PLEKHG5: variants seen among roughly 807,000 people sequenced by gnomAD.
The protein encoded by PLEKHG5 is pleckstrin homology domain-containing family G member 5.
PLEKHG5 carries 52 observed loss-of-function variants against 103.8 expected under a neutral mutation model. That is an observed-to-expected ratio of 0.50 (90% CI 0.40 to 0.63). PLEKHG5 has a LOEUF of 0.63. Ranked by LOEUF, PLEKHG5 falls within the 30% of genes least tolerant of loss-of-function variation. PLEKHG5 has a pLI of 0.00. For synonymous variants in PLEKHG5, 592 were observed against 575.5 expected (o/e 1.03, Z -0.41); for missense variants, 1,205 against 1,347.6 (o/e 0.89, Z 1.66).
upstream of PLEKHG5, among the ~76,000 whole-genome samples, chr1:6,495,850 A>T (rs1448992374): frequency 6.6e-6 from 1 of 152,256 alleles, no homozygotes; most frequent in Non-Finnish European, 1.5e-5. Flanking sequence ...GAGCTGCCGC[A>T]ATCAGTGCAT....
chr1:6,499,719 G>A (rs962149037), upstream of PLEKHG5, among the ~76,000 whole-genome samples: 2 of 152,162 alleles, frequency 1.3e-5, no homozygotes, highest in African/African-American at 4.8e-5. Flanking sequence ...TTCGAGGAAA[G>A]GGTGGGCCTG....
intron 1 of PLEKHG5, among the ~76,000 whole-genome samples, chr1:6,506,696 C>T (rs899771456): frequency 3.3e-5 from 5 of 152,230 alleles, no homozygotes; most frequent in Non-Finnish European, 7.3e-5. Flanking sequence ...CTGCCTGGAC[C>T]CTCCCCAGGA....
rs2148584800 is a variant in PLEKHG5 at position 6,471,521 on chromosome 1, T to C, written c.1248A>G (p.Leu416=). The C allele has an allele frequency of 6.2e-7, 1 of 1,610,508 alleles. No homozygotes were observed. Among genetic ancestry groups the C allele is most frequent in the South Asian group, 1.1e-5 (1 of 90,812 alleles). ...AGCCTTTGAGGAAGTCCCCGGGCTG[T>C]AGCAGCGCTCGCGTGCGCCGCGCCT... ...LEKARRTRAL[L]QPGDFLKGFK... is the part of the protein sequence containing the mutation. Residue 416 remains leucine (L), a synonymous_variant, in exon 12 of 21, where the codon CTA becomes CTG. Transcript: ENST00000377728.
chr1:6,480,860 C>T (rs983514768), intron 1 of PLEKHG5, among the ~76,000 whole-genome samples: 9 of 151,946 alleles, frequency 5.9e-5, no homozygotes, highest in African/African-American at 7.3e-5. Flanking sequence ...AGCCTGGTCT[C>T]GAACTCCTGG....
chr1:6,467,604 T>C (rs1390679368), intron 20 of PLEKHG5, 32 bp from the exon 21 acceptor site: 1 of 1,611,360 alleles, frequency 6.2e-7, no homozygotes. Context: ...GAGTCCTTCT[T>C]TGGCTGACGC....
At chr1:6,474,967 C>T (rs925225296) in intron 5 of PLEKHG5, 80 bp downstream of exon 5, 23 of 896,100 alleles carry the variant, frequency 2.6e-5, no homozygotes, top group African/African-American at 2.0e-4. Flanking sequence ...CACGTCACAC[C>T]TGCAGAGACC....
Position 6,474,140 on chromosome 1 carries a change from C to T in PLEKHG5, c.464G>A (p.Gly155Asp), listed in dbSNP as rs756383196. 6.2e-7 allele frequency: 1 copy of T among 1,613,570 alleles called. No homozygotes were observed. Among genetic ancestry groups the T allele is most frequent in the East Asian group, 2.2e-5 (1 of 44,886 alleles). The stretch of plus-strand genomic sequence containing the variant: ...GTCCTTCATGCCCTGCTCCACCTTG[C>T]CCTCATCTCCAGGCTTGGCTGGGGC... Reference protein sequence around the residue: ...VKAPAKPGDEGKVEQGMKDSK... With the variant: ...VKAPAKPGDEDKVEQGMKDSK... The change falls in exon 7 of 21, where the codon GGC becomes GAC. Residue 155 changes from glycine (G) to aspartate (D), a missense_variant. By Grantham distance (94) the Gly-to-Asp change is moderately conservative (BLOSUM62 -1). Transcript: ENST00000377728.
chr1:6,515,187 G>A (rs1638580235), intron 1 of PLEKHG5, among the ~76,000 whole-genome samples: 1 of 152,196 alleles, frequency 6.6e-6, no homozygotes, highest in Non-Finnish European at 1.5e-5. Context: ...TTCCAACAGT[G>A]ACGGAGTCAA....
intron 1 of PLEKHG5, among the ~76,000 whole-genome samples, chr1:6,489,539 G>C (rs551628267): frequency 1.3e-5 from 2 of 152,332 alleles, no homozygotes; most frequent in South Asian, 4.1e-4. Flanking sequence ...AAGAGGGAGG[G>C]GCTGCAGTCT....
At chr1:6,499,696 C>A (rs1348530998), upstream of PLEKHG5, among the ~76,000 whole-genome samples, 2 of 152,110 alleles carry the variant, frequency 1.3e-5, no homozygotes, top group African/African-American at 4.8e-5. Flanking sequence ...GTGACCTATC[C>A]CCATCTACAG....
chr1:6,511,677 G>A (rs1299578655), intron 1 of PLEKHG5, among the ~76,000 whole-genome samples: 1 of 152,236 alleles, frequency 6.6e-6, no homozygotes, highest in Non-Finnish European at 1.5e-5. Context: ...GCCACGACAG[G>A]GCTCACAGAG....
chr1:6,496,497 G>A (rs2148627336), upstream of PLEKHG5: 1 of 1,603,810 alleles, frequency 6.2e-7, no homozygotes, highest in East Asian at 2.3e-5. Context: ...CCCTACCTTG[G>A]CCGCCCGCCC....
chr1:6,518,573 A>G (rs1638692045), intron 1 of PLEKHG5, among the ~76,000 whole-genome samples: 1 of 151,728 alleles, frequency 6.6e-6, no homozygotes, highest in East Asian at 1.9e-4. Context: ...AAAAAAAAAA[A>G]AAGAAAAAGA....
intron 1 of PLEKHG5, among the ~76,000 whole-genome samples, chr1:6,517,142 C>T (rs930602684): frequency 1.7e-4 from 25 of 147,976 alleles, no homozygotes; most frequent in Non-Finnish European, 1.9e-4. Flanking sequence ...CCCATCTCTA[C>T]TAAAAATACA....
Position 6,470,597 on chromosome 1 carries a change from C to T in PLEKHG5, c.1589G>A (p.Arg530Gln). ...RFIHHVNACMRQRQERQRLAA... is the reference protein window; with the variant it reads ...RFIHHVNACMQQRQERQRLAA... ...CAGCCGCTGCCGCTCCTGCCGCTGCCGCATGCACGCGTTCACGTGGTGGAT... is the reference window on the plus strand; with the variant it reads ...CAGCCGCTGCCGCTCCTGCCGCTGCTGCATGCACGCGTTCACGTGGTGGAT... Residue 530 changes from arginine (R) to glutamine (Q), a missense_variant, in exon 15 of 21, where the codon CGG becomes CAG. Coordinates refer to ENST00000377728, the MANE Select transcript of PLEKHG5 (RefSeq NM_020631.6). 1.9e-6 allele frequency: 3 copies of T among 1,601,538 alleles called. No individual in the cohort carries two copies. Among genetic ancestry groups the T allele is most frequent in the Non-Finnish European group, 1.7e-6 (2 of 1,178,392 alleles).
chr1:6,474,237 C>G, intron 6 of PLEKHG5, 73 bp from the exon 7 acceptor site: 1 of 1,557,098 alleles, frequency 6.4e-7, no homozygotes, highest in Non-Finnish European at 8.8e-7. Context: ...TCCTCTCTCC[C>G]CGGAGGATCC....
rs372624847 is a variant in PLEKHG5, at chr1:6,474,064, G to T, written c.540C>A (p.Pro180=). The change falls in exon 7 of 21, where the codon CCC becomes CCA. Residue 180 remains proline, a synonymous_variant. Coordinates refer to ENST00000377728, the MANE Select transcript of PLEKHG5 (RefSeq NM_020631.6). ...TCTGGGCGTCCACACGCTCCAGGGC[G>T]GGGGGCCCGGTCCCAGCTGGCCGCA... ...PILRPAGTGP[P]ALERVDAQSR... 1 of 1,611,456 alleles carries T rather than the reference G, an allele frequency of 6.2e-7. No homozygotes were observed. Among genetic ancestry groups the T allele is most frequent in the African/African-American group, 1.3e-5 (1 of 74,828 alleles).
At chr1:6,482,601 C>G (rs1424621917) in intron 1 of PLEKHG5, among the ~76,000 whole-genome samples, 1 of 152,214 alleles carries the variant, frequency 6.6e-6, no homozygotes, top group African/African-American at 2.4e-5. Context: ...GAAAGTAAAA[C>G]TCAGAGAGGT....
At chr1:6,485,815 C>T in intron 1 of PLEKHG5, 2 of 927,356 alleles carry the variant, frequency 2.2e-6, no homozygotes, top group Non-Finnish European at 2.6e-6. Context: ...CCCACCTCTG[C>T]CTGGCCCGGG....
Sources: allele counts gnomAD v4.1 joint callset (sites outside exome capture counted in the v4.1 genomes callset), GRCh38; gene constraint gnomAD v4.1.1; transcripts MANE v1.5; gene names NCBI Gene and HGNC (gene_info 2026-07-23, HGNC 2026-07-21).